The following DOCK8 variants were observed in gnomAD, a reference collection of about 807,000 sequenced individuals.
DOCK8 encodes dedicator of cytokinesis protein 8.
A neutral mutation model predicts 245.6 loss-of-function variants in DOCK8; 141 were observed. That is an observed-to-expected ratio of 0.57 (90% CI 0.50 to 0.66). The LOEUF is 0.66. DOCK8 is among the 30% of genes least tolerant of loss of function. The pLI is 0.00. For synonymous variants in DOCK8, 1,168 were observed against 970.2 expected (o/e 1.20, Z -3.79); for missense variants, 2,965 against 2,603.4 (o/e 1.14, Z -3.02).
intron 9 of DOCK8, among the ~76,000 whole-genome samples, chr9:330,113 A>C (rs546078937): frequency 7.0e-4 from 106 of 152,300 alleles, no homozygotes; most frequent in Middle Eastern, 6.8e-3. Flanking sequence ...ACTGTATTTT[A>C]GGTAGCATCA....
At chr9:432,392 ATG>A in intron 37 of DOCK8, 68 bp downstream of exon 37, 9 of 1,412,172 alleles carry the variant, frequency 6.4e-6, no homozygotes, top group Non-Finnish European at 8.0e-6. Context: ...GTATGTATGT[ATG>A]TACATATATA....
chr9:215,725 A>C (rs2046735112), intron 1 of DOCK8: 1 of 282,828 alleles, frequency 3.5e-6, no homozygotes, highest in Non-Finnish European at 6.9e-6. Flanking sequence ...CTCACCATCC[A>C]ATTCCTAATC....
At position 226,733 on chromosome 9, in the gene DOCK8, C is replaced by T. The variant is rs914995530; in HGVS notation, c.53+11704C>T. On this transcript the variant is annotated intron_variant, in intron 1 of 47. Coordinates refer to ENST00000432829, the MANE Select transcript of DOCK8 (RefSeq NM_203447.4). The stretch of plus-strand genomic sequence containing the variant: ...CTTTTAGGGTGAATCAAGGGTTTAA[C>T]TGGGGACATATGGAGTCTAAGATGC... 3.9e-5 allele frequency among the ~76,000 whole-genome samples: 6 copies of T among 152,232 alleles called. No individual in the cohort carries two copies. In the East Asian group the frequency reaches 9.6e-4, roughly 24 times the overall value.
chr9:394,883 A>G (rs981974822), intron 24 of DOCK8, among the ~76,000 whole-genome samples: 3 of 152,258 alleles, frequency 2.0e-5, no homozygotes, highest in East Asian at 1.9e-4. Context: ...CAGTCTGGAA[A>G]GAGGCCATTG....
At chr9:423,573 T>C (rs576306155) in intron 33 of DOCK8, among the ~76,000 whole-genome samples, 23 of 152,384 alleles carry the variant, frequency 1.5e-4, no homozygotes, top group Non-Finnish European at 3.1e-4. Flanking sequence ...GGTTAACTTA[T>C]GGGACTTTGG....
chr9:330,547 A>G (rs963017317), intron 9 of DOCK8, among the ~76,000 whole-genome samples: 4 of 152,176 alleles, frequency 2.6e-5, no homozygotes, highest in Non-Finnish European at 4.4e-5. Flanking sequence ...TAATTGGACA[A>G]TGATCCCTGT....
rs556109218 is a variant in DOCK8 at position 238,959 on chromosome 9, C to T, written c.53+23930C>T. ...CAGCTTGCACTCACACACACTCTCA[C>T]TGGGACCATTTAGACACACCGATTC... On this transcript the variant is annotated intron_variant, in intron 1 of 47. Coordinates refer to ENST00000432829, the MANE Select transcript of DOCK8 (RefSeq NM_203447.4). Among the ~76,000 whole-genome samples, 34 of 151,662 alleles carry T rather than the reference C, an allele frequency of 2.2e-4. No individual in the cohort carries two copies. In the South Asian group the frequency reaches 2.9e-3, roughly 13 times the overall value.
rs778609311 is a variant in DOCK8 at position 372,176 on chromosome 9, C to G, written c.2008-9C>G. 3 of 1,608,918 alleles carry G rather than the reference C, an allele frequency of 1.9e-6. No homozygotes were observed. The highest frequency in any genetic ancestry group is 2.6e-6 in the Non-Finnish European group (3 of 1,175,464). Reference sequence around the variant, plus strand: ...AATACCACTTTATTATTTACATCATCTGTTTCAGTGGCTGCCAATTCTCTT... The same window carrying G: ...AATACCACTTTATTATTTACATCATGTGTTTCAGTGGCTGCCAATTCTCTT... On this transcript the variant is annotated splice_polypyrimidine_tract_variant and intron_variant, in intron 17 of 47. Transcript: ENST00000432829.
At position 376,259 on chromosome 9, in the gene DOCK8, G is replaced by A; in HGVS notation, c.2159G>A (p.Gly720Glu). The A allele has an allele frequency of 6.2e-7, 1 of 1,613,542 alleles. No homozygotes were observed. Among genetic ancestry groups the A allele is most frequent in the Non-Finnish European group, 8.5e-7 (1 of 1,179,596 alleles). ...ATTAAGTGGGCTGAAGGACATAAGG[G>A]AGTATTTAATATTGAAGTGCAAGCT... ...PPIKWAEGHK[G>E]VFNIEVQAVS... The change falls in exon 19 of 48, where the codon GGA becomes GAA. Residue 720 changes from glycine to glutamate, a missense_variant. Around this residue, in one of 3 missense-constraint regions of DOCK8, gnomAD observed 2,825 missense variants for 2,453.5 expected, o/e 1.15. Transcript: ENST00000432829.
chr9:332,464 AGTGATG>A lies in DOCK8; in HGVS notation c.1115_1120del (p.Asp372_Gly373del). 4 of 1,612,316 alleles carry A rather than the reference AGTGATG, an allele frequency of 2.5e-6. No individual in the cohort carries two copies. Among genetic ancestry groups the A allele is most frequent in the Non-Finnish European group, 3.4e-6 (4 of 1,178,386 alleles). The stretch of plus-strand genomic sequence containing the variant: ...AGAGCCCTACACGGTTATCAAAGAA[AGTGATG>A]GTGGAAAGGTATGGTAATTTGAGTG... On this transcript the variant is annotated inframe_deletion, in exon 10 of 48. Coordinates refer to ENST00000432829, the MANE Select transcript of DOCK8 (RefSeq NM_203447.4).
upstream of DOCK8, chr9:214,827 C>T (rs768023603): frequency 8.8e-6 from 14 of 1,598,928 alleles, no homozygotes; most frequent in Non-Finnish European, 1.2e-5. Context: ...GTGATTTCGG[C>T]TTAGAAGGTG....
intron 4 of DOCK8, among the ~76,000 whole-genome samples, chr9:293,916 G>C (rs2049149194): frequency 6.6e-6 from 1 of 152,190 alleles, no homozygotes; most frequent in Non-Finnish European, 1.5e-5. Context: ...TTAAGGAAAA[G>C]GCAAATCTCA....
intron 1 of DOCK8, among the ~76,000 whole-genome samples, chr9:226,643 A>G (rs1405383512): frequency 6.6e-6 from 1 of 152,170 alleles, no homozygotes; most frequent in Non-Finnish European, 1.5e-5. Context: ...AGAGAAATCA[A>G]GATGTCTCCA....
intron 29 of DOCK8, 127 bp downstream of exon 29, chr9:415,078 T>C: frequency 7.6e-7 from 1 of 1,318,020 alleles, no homozygotes; most frequent in African/African-American, 1.4e-5. Flanking sequence ...ACAAAAATGG[T>C]CTCCAAACCT....
chr9:288,539 A>G (rs2048915399), intron 3 of DOCK8, among the ~76,000 whole-genome samples: 1 of 152,256 alleles, frequency 6.6e-6, no homozygotes, highest in South Asian at 2.1e-4. Flanking sequence ...AGTAAATGCT[A>G]CCTAAGTGTA....
intron 28 of DOCK8, among the ~76,000 whole-genome samples, chr9:410,818 C>T (rs2055686722): frequency 6.6e-6 from 1 of 152,162 alleles, no homozygotes; most frequent in Admixed American, 6.5e-5. Flanking sequence ...ATTCACCAAT[C>T]TTTAGCTGAG....
intron 14 of DOCK8, among the ~76,000 whole-genome samples, chr9:347,511 A>G (rs1412652110): frequency 6.6e-6 from 1 of 152,202 alleles, no homozygotes; most frequent in Non-Finnish European, 1.5e-5. Flanking sequence ...TTCAAAAAAC[A>G]AAAACAAAAA....
intron 30 of DOCK8, chr9:420,014 G>A: frequency 3.2e-6 from 1 of 314,426 alleles, no homozygotes; most frequent in Non-Finnish European, 6.2e-6. Flanking sequence ...CTGCTGCCCA[G>A]CACGAAGGAG....
At chr9:407,420 G>C (rs1586941758) in intron 28 of DOCK8, among the ~76,000 whole-genome samples, 1 of 152,334 alleles carries the variant, frequency 6.6e-6, no homozygotes, top group Non-Finnish European at 1.5e-5. Flanking sequence ...AGCATGCAGA[G>C]GCAACCACAA....
Sources: allele counts gnomAD v4.1 joint callset (sites outside exome capture counted in the v4.1 genomes callset), GRCh38; gene constraint gnomAD v4.1.1; regional missense constraint gnomAD v4.1.1; transcripts MANE v1.5; gene names NCBI Gene and HGNC (gene_info 2026-07-23, HGNC 2026-07-21).